The following SLC9B1 variants were observed in gnomAD, a reference collection of about 807,000 sequenced individuals.
The protein encoded by SLC9B1 is solute carrier family 9 member B1, also known as sodium/hydrogen exchanger 9B1.
In SLC9B1, 32 loss-of-function variants were observed where a neutral mutation model predicts 51.7. That is an observed-to-expected ratio of 0.62 (90% CI 0.47 to 0.83). The LOEUF (loss-of-function observed/expected upper bound fraction) is 0.83. Among genes scored for constraint, SLC9B1 ranks in the 40% least tolerant of loss-of-function variants. SLC9B1 has a pLI of 0.00. For synonymous variants in SLC9B1, 145 were observed against 212.7 expected, an observed-to-expected ratio of 0.68 and a Z score of 2.77; for missense variants, 406 against 613.2, an observed-to-expected ratio of 0.66 and a Z score of 3.57.
intron 3 of SLC9B1, among the ~76,000 whole-genome samples, chr4:102,972,138 T>G (rs1342190761): frequency 3.9e-5 from 6 of 152,144 alleles, no homozygotes; most frequent in Non-Finnish European, 8.8e-5. Flanking sequence ...CTACCACATT[T>G]TATGAGGCCA....
intron 1 of SLC9B1, among the ~76,000 whole-genome samples, chr4:102,998,973 C>T (rs1479526416): frequency 6.6e-6 from 1 of 152,120 alleles, no homozygotes; most frequent in African/African-American, 2.4e-5. Flanking sequence ...GATCCTCTGC[C>T]TCAGCCTCCC....
chr4:102,967,663 C>T (rs992407663), intron 3 of SLC9B1, among the ~76,000 whole-genome samples: 9 of 152,170 alleles, frequency 5.9e-5, no homozygotes, highest in African/African-American at 2.2e-4. Flanking sequence ...AGAACTCACT[C>T]ACCAGTGTAA....
At chr4:102,956,110 ACT>A (rs1166311715) in intron 3 of SLC9B1, among the ~76,000 whole-genome samples, 4 of 151,914 alleles carry the variant, frequency 2.6e-5, no homozygotes, top group Non-Finnish European at 4.4e-5. Context: ...CTCTAATGAG[ACT>A]CTGGTCCTGG....
At chr4:102,914,220 G>GCGT in intron 7 of SLC9B1, among the ~76,000 whole-genome samples, 1 of 101,662 alleles carries the variant, frequency 9.8e-6, no homozygotes, top group Middle Eastern at 5.0e-3. Flanking sequence ...TTACCAGTCT[G>GCGT]GGTGCACTGG....
chr4:102,934,612 A>C (rs1736623838), intron 6 of SLC9B1, among the ~76,000 whole-genome samples: 1 of 152,034 alleles, frequency 6.6e-6, no homozygotes, highest in Non-Finnish European at 1.5e-5. Flanking sequence ...AACATTGTGA[A>C]ACCAATAGCT....
downstream of SLC9B1, among the ~76,000 whole-genome samples, chr4:102,899,446 C>G (rs1314375313): frequency 6.6e-6 from 1 of 151,044 alleles, no homozygotes; most frequent in African/African-American, 2.4e-5. Flanking sequence ...CAGAGTCTTG[C>G]TCTGTCTCCC....
Position 102,961,021 on chromosome 4 carries a change from C to A in SLC9B1, c.212-11594G>T, listed in dbSNP as rs978386827. Among the ~76,000 whole-genome samples, 39 of 152,100 alleles carry A rather than the reference C, an allele frequency of 2.6e-4. 1 individual carries two copies. Among genetic ancestry groups the A allele is most frequent in the African/African-American group, 4.8e-5 (2 of 41,434 alleles). On this transcript the variant is annotated intron_variant, in intron 3 of 11. Transcript: ENST00000296422. Reference sequence around the variant, plus strand: ...TGCTGGGATTACAGGCATGAGCCACCGTGACTGGCCTAAGCTTTACTTTCT... The same window carrying A: ...TGCTGGGATTACAGGCATGAGCCACAGTGACTGGCCTAAGCTTTACTTTCT...
At chr4:102,976,927 T>C (rs1326353469) in intron 3 of SLC9B1, among the ~76,000 whole-genome samples, 2 of 152,168 alleles carry the variant, frequency 1.3e-5, no homozygotes, top group East Asian at 1.9e-4. Flanking sequence ...GGCTGGAAGA[T>C]GGCTTGAGCC....
intron 3 of SLC9B1, among the ~76,000 whole-genome samples, chr4:102,985,242 A>G (rs1204404376): frequency 6.6e-6 from 1 of 152,108 alleles, no homozygotes; most frequent in East Asian, 1.9e-4. Flanking sequence ...CTTATTTTTG[A>G]CCCACTCTAG....
chr4:102,941,764 G>C (rs368606495), intron 6 of SLC9B1, among the ~76,000 whole-genome samples: 1 of 150,376 alleles, frequency 6.6e-6, no homozygotes, highest in Admixed American at 6.7e-5. Flanking sequence ...AGGATGCCCA[G>C]TTTCACCACT....
At chr4:103,007,887 T>G (rs573770099) in intron 1 of SLC9B1, among the ~76,000 whole-genome samples, 4 of 152,298 alleles carry the variant, frequency 2.6e-5, no homozygotes, top group African/African-American at 9.6e-5. Flanking sequence ...TAGTACTATC[T>G]GTTTTTCTTC....
chr4:102,912,675 G>A (rs1361429424), intron 7 of SLC9B1, among the ~76,000 whole-genome samples: 1 of 152,122 alleles, frequency 6.6e-6, no homozygotes, highest in Admixed American at 6.5e-5. Context: ...GAGCCCAAGA[G>A]TTTGAGACCA....
At chr4:102,966,806 C>T (rs905355976) in intron 3 of SLC9B1, among the ~76,000 whole-genome samples, 1 of 152,144 alleles carries the variant, frequency 6.6e-6, no homozygotes, top group African/African-American at 2.4e-5. Context: ...CCTGAAAATG[C>T]TCTTTCATTC....
intron 3 of SLC9B1, among the ~76,000 whole-genome samples, chr4:102,989,505 C>T (rs1255807482): frequency 6.6e-6 from 1 of 151,888 alleles, no homozygotes; most frequent in Non-Finnish European, 1.5e-5. Context: ...AACTAAATGT[C>T]AAAGTAGGTT....
chr4:103,003,122 C>A (rs1157697770), intron 1 of SLC9B1, among the ~76,000 whole-genome samples: 2 of 152,154 alleles, frequency 1.3e-5, no homozygotes, highest in African/African-American at 4.8e-5. Flanking sequence ...GGTGCTTGAC[C>A]CCCATATTTG....
chr4:102,901,595 G>A (rs529971417), intron 11 of SLC9B1, among the ~76,000 whole-genome samples: 7 of 151,858 alleles, frequency 4.6e-5, no homozygotes, highest in South Asian at 2.1e-4. Context: ...TCCTCTATTC[G>A]AATATCTCTT....
intron 6 of SLC9B1, among the ~76,000 whole-genome samples, chr4:102,938,104 C>T (rs1005267233): frequency 1.3e-5 from 2 of 152,046 alleles, no homozygotes; most frequent in African/African-American, 2.4e-5. Flanking sequence ...GAAGCAAAGC[C>T]CAACTGTATC....
intron 7 of SLC9B1, among the ~76,000 whole-genome samples, chr4:102,915,387 T>C (rs1174372779): frequency 1.3e-5 from 2 of 152,190 alleles, no homozygotes; most frequent in Admixed American, 6.5e-5. Context: ...ACACTTTTTT[T>C]CTTTACTTTT....
downstream of SLC9B1, among the ~76,000 whole-genome samples, chr4:102,898,564 G>C (rs1052448616): frequency 4.6e-5 from 7 of 152,128 alleles, no homozygotes; most frequent in African/African-American, 1.4e-4. Flanking sequence ...CGTTAGTGTG[G>C]AATAGCTCAG....
Sources: allele counts gnomAD v4.1 joint callset (sites outside exome capture counted in the v4.1 genomes callset), GRCh38; gene constraint gnomAD v4.1.1; transcripts MANE v1.5; gene names NCBI Gene and HGNC (gene_info 2026-07-23, HGNC 2026-07-21).